ZNF91: variants seen among roughly 807,000 people sequenced by gnomAD.
ZNF91 encodes the protein zinc finger protein 91 (HPF7, HTF10).
ZNF91 carries 7 observed loss-of-function variants against 12.6 expected under a neutral mutation model. That is an observed-to-expected ratio of 0.55 (90% CI 0.31 to 1.04). The LOEUF is 1.04. ZNF91 is among the 50% of genes least tolerant of loss of function. The probability of loss-of-function intolerance (pLI) is 0.05; values close to 1 mark genes in which losing one functional copy is unlikely to be tolerated. For missense variants in ZNF91, 1,217 were observed against 1,385.4 expected (o/e 0.88, Z 1.93); for synonymous variants, 453 against 462.6 (o/e 0.98, Z 0.27).
intron 1 of ZNF91, chr19:23,380,631 ACT>A (rs1248086929): frequency 2.6e-5 from 4 of 152,166 alleles, no homozygotes; most frequent in Admixed American, 2.6e-4. Context: ...TTAAGAAAAA[ACT>A]GAGATTACAT....
intron 3 of ZNF91, among the ~76,000 whole-genome samples, chr19:23,346,840 C>G (rs1227783224): frequency 6.6e-6 from 1 of 152,124 alleles, no homozygotes; most frequent in Non-Finnish European, 1.5e-5. Flanking sequence ...GAAAGACATG[C>G]TAGCTCACCG....
chr19:23,393,713 T>C (rs114507134), intron 1 of ZNF91, among the ~76,000 whole-genome samples: 2,238 of 152,210 alleles, frequency 0.015, 60 homozygotes, highest in African/African-American at 0.051. Context: ...AAAAAAAAAT[T>C]AATTGGCCAG....
intron 1 of ZNF91, among the ~76,000 whole-genome samples, chr19:23,322,019 GC>G (rs1967707073): frequency 6.6e-6 from 1 of 152,134 alleles, no homozygotes; most frequent in African/African-American, 2.4e-5. Context: ...GTAACATATG[GC>G]CCAGCATGTA....
intron 3 of ZNF91, among the ~76,000 whole-genome samples, chr19:23,364,747 G>A (rs7249539): frequency 0.18 from 27,414 of 151,832 alleles, 2,675 homozygotes; most frequent in Non-Finnish European, 0.21. Flanking sequence ...AGCTACACAG[G>A]ATTAGAAAAT....
chr19:23,362,789 TAAAAATCTTACCTAC>T, intron 3 of ZNF91, 64 bp from the exon 4 acceptor site: 1 of 1,316,788 alleles, frequency 7.6e-7, no homozygotes, highest in Non-Finnish European at 9.7e-7. Flanking sequence ...GAATATAGTT[TAAAAATCTTACCTAC>T]AAAATTATAC....
At chr19:23,329,876 C>T (rs1339646994) in intron 1 of ZNF91, among the ~76,000 whole-genome samples, 1 of 152,192 alleles carries the variant, frequency 6.6e-6, no homozygotes, top group African/African-American at 2.4e-5. Flanking sequence ...ATCTGACCCC[C>T]AGAGAGTTCC....
chr19:23,395,223 T>C (rs1170810716), intron 1 of ZNF91, 102 bp downstream of exon 1: 2 of 1,426,700 alleles, frequency 1.4e-6, no homozygotes, highest in South Asian at 1.2e-5. Context: ...GCACGGATTG[T>C]GGAGCTGACT....
downstream of ZNF91, among the ~76,000 whole-genome samples, chr19:23,354,581 C>A (rs1042540787): frequency 3.9e-5 from 6 of 152,140 alleles, no homozygotes; most frequent in South Asian, 2.1e-4. Flanking sequence ...TGCCCACTCT[C>A]ACTACTCCTC....
At chr19:23,374,574 A>G (rs1969429793) in intron 2 of ZNF91, 64 bp downstream of exon 2, 19 of 1,438,976 alleles carry the variant, frequency 1.3e-5, no homozygotes, top group South Asian at 2.6e-5. Context: ...AAAAAAAAAA[A>G]AAAAAAGAAA....
At chr19:23,372,409 T>G (rs1169773868) in intron 3 of ZNF91, among the ~76,000 whole-genome samples, 1 of 151,318 alleles carries the variant, frequency 6.6e-6, no homozygotes, top group South Asian at 2.1e-4. Context: ...TGGGTTATGT[T>G]GCAAGACCCC....
At chr19:23,322,258 G>C (rs1199248989) in intron 1 of ZNF91, among the ~76,000 whole-genome samples, 1 of 152,100 alleles carries the variant, frequency 6.6e-6, no homozygotes, top group Admixed American at 6.6e-5. Flanking sequence ...CTCCTGCTTT[G>C]GTCTTCCTCT....
intron 3 of ZNF91, among the ~76,000 whole-genome samples, chr19:23,368,322 C>G (rs901251775): frequency 9.2e-5 from 14 of 151,784 alleles, no homozygotes; most frequent in Non-Finnish European, 2.1e-4. Context: ...CCAGACCAGC[C>G]TGAACAAGAT....
intron 1 of ZNF91, chr19:23,327,701 T>C (rs1280962975): frequency 6.6e-6 from 1 of 152,222 alleles, no homozygotes; most frequent in East Asian, 1.9e-4. Flanking sequence ...AATAGATTTT[T>C]TTAAGCCATT....
intron 3 of ZNF91, among the ~76,000 whole-genome samples, chr19:23,345,415 CG>C (rs1568375289): frequency 6.6e-6 from 1 of 152,146 alleles, no homozygotes; most frequent in Non-Finnish European, 1.5e-5. Context: ...GGCCCACAAA[CG>C]GAACATTGGA....
At chr19:23,357,218 C>A (rs1436084230), downstream of ZNF91, among the ~76,000 whole-genome samples, 1 of 149,936 alleles carries the variant, frequency 6.7e-6, no homozygotes, top group Non-Finnish European at 1.5e-5. Flanking sequence ...AAGATTAAGA[C>A]TCTGTCTCAA....
chr19:23,334,158 T>C (rs1322101089), downstream of ZNF91, among the ~76,000 whole-genome samples: 3 of 152,096 alleles, frequency 2.0e-5, no homozygotes, highest in South Asian at 4.1e-4. Context: ...GTAGTTTAAG[T>C]ACAGGACTTG....
chr19:23,342,853 T>C (rs1335284622), intron 3 of ZNF91, among the ~76,000 whole-genome samples: 1 of 151,976 alleles, frequency 6.6e-6, no homozygotes, highest in African/African-American at 2.4e-5. Context: ...CCACTCCTCT[T>C]GAGAGAATTC....
chr19:23,323,265 TTTTCTTC>T (rs1490519315), intron 1 of ZNF91, among the ~76,000 whole-genome samples: 1 of 146,154 alleles, frequency 6.8e-6, no homozygotes, highest in East Asian at 2.3e-4. Context: ...CTCCTGTTCC[TTTTCTTC>T]TTTCTTCTCT....
At chr19:23,369,007 A>T (rs1052843805) in intron 3 of ZNF91, among the ~76,000 whole-genome samples, 9 of 152,138 alleles carry the variant, frequency 5.9e-5, no homozygotes, top group African/African-American at 1.9e-4. Flanking sequence ...ATCTCTTGAT[A>T]ATGCAATCAA....
Sources: allele counts gnomAD v4.1 joint callset (sites outside exome capture counted in the v4.1 genomes callset), GRCh38; gene constraint gnomAD v4.1.1; transcripts MANE v1.5; gene names NCBI Gene and HGNC (gene_info 2026-07-23, HGNC 2026-07-21).